FNBP1L: variants seen among roughly 807,000 people sequenced by gnomAD.
FNBP1L encodes the protein formin-binding protein 1-like.
FNBP1L carries 36 observed loss-of-function variants against 91.2 expected under a neutral mutation model. That is an observed-to-expected ratio of 0.39 (90% CI 0.30 to 0.52). The LOEUF (loss-of-function observed/expected upper bound fraction) is 0.52. Among genes scored for constraint, FNBP1L ranks in the 20% least tolerant of loss-of-function variants. The pLI, the probability that FNBP1L is intolerant of heterozygous loss-of-function variation, is 0.66. For missense variants in FNBP1L, 571 were observed against 732.1 expected (o/e 0.78, Z 2.54); for synonymous variants, 242 against 237.0 (o/e 1.02, Z -0.19).
intron 1 of FNBP1L, among the ~76,000 whole-genome samples, chr1:93,495,726 AAG>A (rs1337118483): frequency 2.0e-5 from 3 of 152,334 alleles, no homozygotes; most frequent in South Asian, 4.1e-4. Context: ...TTCAAGATAA[AAG>A]AGAAATTTTA....
chr1:93,468,916 G>A (rs2101695441), intron 1 of FNBP1L, among the ~76,000 whole-genome samples: 1 of 152,226 alleles, frequency 6.6e-6, no homozygotes, highest in South Asian at 2.1e-4. Flanking sequence ...GCCAACGGTT[G>A]ATATCATCTG....
chr1:93,546,524 T>C (rs1672243391), intron 12 of FNBP1L, among the ~76,000 whole-genome samples: 1 of 152,118 alleles, frequency 6.6e-6, no homozygotes, highest in Non-Finnish European at 1.5e-5. Context: ...CATGATGAGC[T>C]GAAGAATATT....
intron 1 of FNBP1L, among the ~76,000 whole-genome samples, chr1:93,481,146 C>T (rs867784305): frequency 1.3e-5 from 2 of 152,094 alleles, no homozygotes; most frequent in African/African-American, 4.8e-5. Context: ...TGTAGAGGTC[C>T]CTTTACAACA....
intron 1 of FNBP1L, among the ~76,000 whole-genome samples, chr1:93,483,602 A>G (rs1319766246): frequency 6.6e-6 from 1 of 152,206 alleles, no homozygotes; most frequent in Non-Finnish European, 1.5e-5. Flanking sequence ...AAAATGAACC[A>G]TAAGAGTTCT....
rs145225657 is a variant in FNBP1L at position 93,503,424 on chromosome 1, A to C, written c.140+3841A>C. On this transcript the variant is annotated intron_variant, in intron 2 of 16. Coordinates refer to ENST00000271234, the MANE Select transcript of FNBP1L (RefSeq NM_001164473.3). ...ATTTGGGTAAGGACACAGCCAAATCATATCAACTATATTCCTGATGTTAAG... is the reference window on the plus strand; with the variant it reads ...ATTTGGGTAAGGACACAGCCAAATCCTATCAACTATATTCCTGATGTTAAG... 2.3e-3 allele frequency among the ~76,000 whole-genome samples: 343 copies of C among 152,344 alleles called. 4 individuals carry two copies. Among genetic ancestry groups the C allele is most frequent in the African/African-American group, 7.9e-3 (327 of 41,580 alleles).
intron 1 of FNBP1L, among the ~76,000 whole-genome samples, chr1:93,491,818 T>A (rs1007528215): frequency 6.6e-6 from 1 of 152,354 alleles, no homozygotes; most frequent in Non-Finnish European, 1.5e-5. Flanking sequence ...TTTCTACTTG[T>A]ACAGTTCTAT....
chr1:93,477,373 G>A (rs1669533818), intron 1 of FNBP1L, among the ~76,000 whole-genome samples: 1 of 152,198 alleles, frequency 6.6e-6, no homozygotes. Context: ...AGCAACAACT[G>A]CTGAATTATC....
intron 1 of FNBP1L, 135 bp downstream of exon 1, chr1:93,448,440 C>G: frequency 2.0e-6 from 2 of 994,024 alleles, no homozygotes; most frequent in Non-Finnish European, 2.8e-6. Context: ...GTGAGGGTCC[C>G]GCTCGTCTTT....
At position 93,540,189 on chromosome 1, in the gene FNBP1L, T is replaced by TAC. The variant is rs201794733; in HGVS notation, c.1150-843_1150-842dup. On this transcript the variant is annotated intron_variant, in intron 10 of 16. Coordinates refer to ENST00000271234, the MANE Select transcript of FNBP1L (RefSeq NM_001164473.3). Reference sequence around the variant, plus strand: ...AAATCCATATACATATCTATATCTGTACACACACACATATATATACATATA... The same window carrying TAC: ...AAATCCATATACATATCTATATCTGTACACACACACACATATATATACATATA... 3.8e-3 allele frequency among the ~76,000 whole-genome samples: 572 copies of TAC among 152,154 alleles called. 2 individuals are homozygous for TAC. The highest frequency in any genetic ancestry group is 6.8e-3 in the Middle Eastern group (2 of 294).
chr1:93,455,379 A>G (rs934660989), intron 1 of FNBP1L, among the ~76,000 whole-genome samples: 2 of 152,194 alleles, frequency 1.3e-5, no homozygotes, highest in African/African-American at 4.8e-5. Flanking sequence ...TGTAGAGACA[A>G]GGTCTCGCTG....
In FNBP1L at chr1:93,499,618, AT is replaced by A. The variant is rs747413797; in HGVS notation, c.140+37del. 6.4e-6 allele frequency: 8 copies of A among 1,259,606 alleles called. No homozygotes were observed. In the South Asian group the frequency reaches 1.1e-4, roughly 17 times the overall value. The allele number at this position is 1,259,606 out of a possible 1,614,324, so 78.0% of individuals were successfully genotyped here. On this transcript the variant is annotated intron_variant, in intron 2 of 16. Transcript: ENST00000271234. ...TTTTTTTTTCAGTTTTTAGAATGAA[AT>A]TACATGTTTAAACAGTTGAATATTA...
intron 1 of FNBP1L, among the ~76,000 whole-genome samples, chr1:93,481,387 G>A (rs954797905): frequency 6.6e-6 from 1 of 152,066 alleles, no homozygotes; most frequent in Non-Finnish European, 1.5e-5. Flanking sequence ...ACTAAATGAA[G>A]AGTTGTAACT....
intron 1 of FNBP1L, among the ~76,000 whole-genome samples, chr1:93,477,345 T>G (rs1241003641): frequency 6.6e-6 from 1 of 152,224 alleles, no homozygotes; most frequent in Non-Finnish European, 1.5e-5. Flanking sequence ...TGTGCTGTCT[T>G]ACTGTACAGT....
intron 1 of FNBP1L, among the ~76,000 whole-genome samples, chr1:93,469,355 G>T (rs1485242655): frequency 6.6e-6 from 1 of 151,390 alleles, no homozygotes; most frequent in African/African-American, 2.4e-5. Context: ...CTGTCCTTGC[G>T]ATAGTTTGCT....
At position 93,554,401 on chromosome 1, in the gene FNBP1L, G is replaced by A. The variant is rs1394891395; in HGVS notation, c.*1985G>A. On this transcript the variant is annotated 3_prime_UTR_variant, in exon 17 of 17. Coordinates refer to ENST00000271234, the MANE Select transcript of FNBP1L (RefSeq NM_001164473.3). Reference sequence around the variant, plus strand: ...TTTTCTAAAAGCAGGATTTGCTTCCGTAGGAGGCAAGTTCCTTGATGTGGA... The same window carrying A: ...TTTTCTAAAAGCAGGATTTGCTTCCATAGGAGGCAAGTTCCTTGATGTGGA... 1 of 152,596 alleles carries A rather than the reference G, an allele frequency of 6.6e-6. No individual in the cohort carries two copies. The highest frequency in any genetic ancestry group is 1.5e-5 in the Non-Finnish European group (1 of 68,030). 9.5% of individuals were successfully genotyped at this position (152,596 alleles called of 1,614,324 possible).
intron 2 of FNBP1L, among the ~76,000 whole-genome samples, chr1:93,504,921 A>G (rs1368304364): frequency 1.3e-5 from 2 of 151,950 alleles, no homozygotes; most frequent in African/African-American, 2.4e-5. Flanking sequence ...CTATGCATTG[A>G]AGTTTTAAAT....
intron 16 of FNBP1L, 23 bp downstream of exon 16, chr1:93,551,128 T>C (rs1393829557): frequency 6.3e-7 from 1 of 1,582,098 alleles, no homozygotes; most frequent in South Asian, 1.2e-5. Context: ...ATATCTAAAC[T>C]AACCAGGCAC....
chr1:93,486,985 C>T (rs1392398620), intron 1 of FNBP1L, among the ~76,000 whole-genome samples: 1 of 152,120 alleles, frequency 6.6e-6, no homozygotes, highest in Non-Finnish European at 1.5e-5. Context: ...AGCAAAATTC[C>T]TTAAAAGTGA....
chr1:93,470,697 A>G (rs897848504), intron 1 of FNBP1L, among the ~76,000 whole-genome samples: 1 of 151,896 alleles, frequency 6.6e-6, no homozygotes, highest in Admixed American at 6.6e-5. Context: ...ACATGGTGAA[A>G]CCCCATCTCT....
Sources: gnomAD v4.1 joint callset for allele counts (sites outside exome capture counted in the v4.1 genomes callset) on GRCh38, gnomAD v4.1.1 for gene constraint, MANE v1.5 for transcripts, NCBI Gene and HGNC (gene_info 2026-07-23, HGNC 2026-07-21) for gene names.